Variants in MUC7 observed in about 807,000 individuals in gnomAD.
The protein encoded by MUC7 is mucin 7, secreted.
MUC7 carries 2 observed loss-of-function variants against 2.5 expected under a neutral mutation model. The observed-to-expected ratio is 0.81, with a 90% confidence interval of 0.33 to 2.55. MUC7 has a LOEUF of 2.55. MUC7 is among the 30% of genes most tolerant of loss of function. The pLI is 0.11. For missense variants in MUC7, 408 were observed against 455.6 expected (o/e 0.90, Z 0.95); for synonymous variants, 133 against 173.4 (o/e 0.77, Z 1.83).
At chr4:70,463,260 T>G (rs1734602345) in intron 1 of MUC7, among the ~76,000 whole-genome samples, 1 of 152,212 alleles carries the variant, frequency 6.6e-6, no homozygotes, top group African/African-American at 2.4e-5. Flanking sequence ...CTGGTTAAAA[T>G]AACTGATGTT....
chr4:70,482,407 T>G lies in MUC7; in HGVS notation c.*529T>G, dbSNP rs1735226833. Reference sequence around the variant, plus strand: ...TGACAAAACCCTTTAGATAATTATCTTCCATTTTAAATAAAATTTTATTTC... The same window carrying G: ...TGACAAAACCCTTTAGATAATTATCGTCCATTTTAAATAAAATTTTATTTC... On this transcript the variant is annotated 3_prime_UTR_variant, in exon 3 of 3. Coordinates refer to ENST00000304887, the MANE Select transcript of MUC7 (RefSeq NM_152291.3). 2 of 152,584 alleles carry G rather than the reference T, an allele frequency of 1.3e-5. No homozygotes were observed. Among genetic ancestry groups the G allele is most frequent in the South Asian group, 4.1e-4 (2 of 4,848 alleles). 9.5% of individuals were successfully genotyped at this position (152,584 alleles called of 1,614,324 possible). A position where few individuals can be genotyped will look rare whatever the true frequency, so the allele number is the denominator to read the frequency against.
intron 1 of MUC7, among the ~76,000 whole-genome samples, chr4:70,432,362 C>G (rs1033702396): frequency 6.6e-6 from 1 of 152,214 alleles, no homozygotes; most frequent in Admixed American, 6.5e-5. Context: ...ACAGTCCCAC[C>G]AACAGTGTAA....
rs143406828 is a variant in MUC7, at chr4:70,460,493, G to T, written c.-92-11722G>T. Among the ~76,000 whole-genome samples, 34 of 150,726 alleles carry T rather than the reference G, an allele frequency of 2.3e-4. 2 individuals are homozygous for T. The South Asian group carries it at 3.8e-3, about 17-fold the overall frequency. On this transcript the variant is annotated intron_variant, in intron 1 of 3. Coordinates refer to the MUC7 transcript ENST00000413702. ...TTCTTTTTTTTTTTTGAGATGGAGT[G>T]GGGGATGGAATCTCACTCTCCACTT...
intron 2 of MUC7, among the ~76,000 whole-genome samples, chr4:70,478,468 T>C (rs369454396): frequency 2.6e-5 from 4 of 152,336 alleles, no homozygotes; most frequent in East Asian, 3.9e-4. Context: ...GGATCTGGAA[T>C]TTAATTTAAT....
At chr4:70,436,953 G>A (rs1733857187) in intron 1 of MUC7, among the ~76,000 whole-genome samples, 1 of 152,102 alleles carries the variant, frequency 6.6e-6, no homozygotes, top group Non-Finnish European at 1.5e-5. Flanking sequence ...TAACAGACAG[G>A]CCCCTCAGCT....
intron 2 of MUC7, among the ~76,000 whole-genome samples, chr4:70,477,654 A>G (rs1040363298): frequency 6.6e-6 from 1 of 152,032 alleles, no homozygotes; most frequent in African/African-American, 2.4e-5. Context: ...TCTGCTCTCA[A>G]AAGTACAGTT....
chr4:70,459,081 G>A (rs772291885), intron 1 of MUC7, among the ~76,000 whole-genome samples: 14 of 152,092 alleles, frequency 9.2e-5, no homozygotes, highest in Non-Finnish European at 1.3e-4. Context: ...AAATCCAGGT[G>A]AGAAAATTTA....
intron 1 of MUC7, among the ~76,000 whole-genome samples, chr4:70,444,528 G>A (rs12645253): frequency 0.075 from 11,405 of 152,128 alleles, 634 homozygotes; most frequent in East Asian, 0.21. Context: ...GCAGCCACCC[G>A]ATTTGACTCA....
chr4:70,467,910 C>T (rs557672721), upstream of MUC7, among the ~76,000 whole-genome samples: 6 of 152,152 alleles, frequency 3.9e-5, no homozygotes, highest in East Asian at 3.9e-4. Context: ...ACTCATTTTG[C>T]GAGGCCAGCA....
At chr4:70,438,546 T>C (rs1007630597) in intron 1 of MUC7, among the ~76,000 whole-genome samples, 3 of 152,140 alleles carry the variant, frequency 2.0e-5, no homozygotes, top group Admixed American at 1.3e-4. Flanking sequence ...AACCTCTGCC[T>C]CCCAGGTTCA....
chr4:70,466,576 G>A (rs1009720857), intron 1 of MUC7, among the ~76,000 whole-genome samples: 7 of 149,608 alleles, frequency 4.7e-5, no homozygotes, highest in Admixed American at 2.0e-4. Context: ...TTTACCAAGC[G>A]AATGGAAAGC....
At chr4:70,446,146 A>G (rs538082985) in intron 1 of MUC7, among the ~76,000 whole-genome samples, 21 of 152,282 alleles carry the variant, frequency 1.4e-4, no homozygotes, top group Non-Finnish European at 2.5e-4. Context: ...TCAAATCCTT[A>G]AATATATTAT....
At chr4:70,471,068 A>G (rs1734822469), upstream of MUC7, among the ~76,000 whole-genome samples, 1 of 152,224 alleles carries the variant, frequency 6.6e-6, no homozygotes, top group Admixed American at 6.5e-5. Flanking sequence ...AAGCCCTCAG[A>G]GACTGTATGT....
chr4:70,440,602 GT>G (rs1441860338), intron 1 of MUC7, among the ~76,000 whole-genome samples: 2 of 152,028 alleles, frequency 1.3e-5, no homozygotes, highest in African/African-American at 4.8e-5. Context: ...TAATTTGAAT[GT>G]TTCTAGCATA....
chr4:70,481,506 A>G lies in MUC7; in HGVS notation c.762A>G (p.Pro254=). ...CAGCTCCACTATCTTCCTCAGCTCC[A>G]CCAGAGACCACAGCTGTCCCACCCA... The part of the protein sequence containing the change: ...TTPAPLSSSA[P]PETTAVPPTP... The change falls in exon 3 of 3, where the codon CCA becomes CCG. Residue 254 remains proline (P), a synonymous_variant. Transcript: ENST00000304887. 2.5e-6 allele frequency: 4 copies of G among 1,603,484 alleles called. No individual in the cohort carries two copies. The highest frequency in any genetic ancestry group is 3.4e-6 in the Non-Finnish European group (4 of 1,176,198).
At chr4:70,444,196 T>C (rs1734071587) in intron 1 of MUC7, among the ~76,000 whole-genome samples, 1 of 152,224 alleles carries the variant, frequency 6.6e-6, no homozygotes, top group South Asian at 2.1e-4. Context: ...TCAGCTCACC[T>C]CTTGACACCA....
intron 1 of MUC7, among the ~76,000 whole-genome samples, chr4:70,461,671 C>G (rs1307879249): frequency 2.6e-5 from 4 of 152,118 alleles, no homozygotes; most frequent in Non-Finnish European, 5.9e-5. Context: ...AAATAATTAT[C>G]ACTTCTCTCA....
chr4:70,443,695 A>G (rs1577900264), intron 1 of MUC7, among the ~76,000 whole-genome samples: 1 of 152,294 alleles, frequency 6.6e-6, no homozygotes, highest in South Asian at 2.1e-4. Flanking sequence ...TACAAAAATG[A>G]CTAAAATAAA....
intron 1 of MUC7, among the ~76,000 whole-genome samples, chr4:70,455,790 C>T (rs1164662518): frequency 6.6e-6 from 1 of 152,154 alleles, no homozygotes; most frequent in African/African-American, 2.4e-5. Context: ...CTCCCAACTC[C>T]GTATACTTTT....
Sources: allele counts gnomAD v4.1 joint callset (sites outside exome capture counted in the v4.1 genomes callset), GRCh38; gene constraint gnomAD v4.1.1; transcripts MANE v1.5; gene names NCBI Gene and HGNC (gene_info 2026-07-23, HGNC 2026-07-21).